MBP: variants seen among roughly 807,000 people sequenced by gnomAD.
The protein encoded by MBP is Golli-MBP.
A neutral mutation model predicts 35.8 loss-of-function variants in MBP; 16 were observed. The ratio of observed to expected loss-of-function variants is 0.45; its 90% CI spans 0.30 to 0.68. The LOEUF is 0.68. MBP is among the 30% of genes least tolerant of loss of function. The pLI is 0.08. For synonymous variants in MBP, 143 were observed against 159.6 expected (o/e 0.90, Z 0.78); for missense variants, 380 against 404.7 (o/e 0.94, Z 0.52).
intron 7 of MBP, chr18:76,986,306 G>T (rs1251377602): frequency 7.1e-6 from 7 of 985,496 alleles, no homozygotes; most frequent in Non-Finnish European, 8.4e-6. Flanking sequence ...TCCTCTATCA[G>T]CCTGCAGCCT....
chr18:77,092,538 C>A (rs988818872), intron 2 of MBP, among the ~76,000 whole-genome samples: 2 of 152,128 alleles, frequency 1.3e-5, no homozygotes, highest in African/African-American at 4.8e-5. Flanking sequence ...AAACATCATT[C>A]CACCTTAAAA....
At chr18:77,006,588 C>T (rs77151981) in intron 4 of MBP, 6,258 of 152,746 alleles carry the variant, frequency 0.041, 143 homozygotes, top group African/African-American at 0.05. Context: ...CCCCATCGTG[C>T]GTGTTGCTCC....
chr18:77,002,859 T>C (rs1365128248), intron 4 of MBP: 1 of 152,242 alleles, frequency 6.6e-6, no homozygotes, highest in Non-Finnish European at 1.5e-5. Context: ...GATTTTTAAA[T>C]TGTATTTTAT....
intron 2 of MBP, among the ~76,000 whole-genome samples, chr18:77,087,038 A>C (rs1011012919): frequency 2.0e-5 from 3 of 152,250 alleles, no homozygotes; most frequent in Non-Finnish European, 4.4e-5. Flanking sequence ...TATAAAAATA[A>C]ATGGTTCATC....
Position 77,016,824 on chromosome 18 carries a change from G to A in MBP, c.576+8C>T, listed in dbSNP as rs368960027. On this transcript the variant is annotated splice_region_variant and intron_variant, in intron 4 of 8. Coordinates refer to ENST00000355994, the MANE Select transcript of MBP (RefSeq NM_001025101.2). ...TAAACTAAAACTCCTCTACTCCTCA[G>A]AGCTCACCTTGCCAGAGCCCCGCTT... 6 of 1,613,766 alleles carry A rather than the reference G, an allele frequency of 3.7e-6. No individual in the cohort carries two copies. Among genetic ancestry groups the A allele is most frequent in the African/African-American group, 1.3e-5 (1 of 75,044 alleles).
At chr18:77,078,538 C>T (rs1182724261) in intron 2 of MBP, among the ~76,000 whole-genome samples, 1 of 152,244 alleles carries the variant, frequency 6.6e-6, no homozygotes, top group East Asian at 1.9e-4. Flanking sequence ...AAGTTGTTTA[C>T]TGCTCTCACT....
intron 3 of MBP, among the ~76,000 whole-genome samples, chr18:77,063,900 G>A (rs1599169370): frequency 1.7e-5 from 1 of 57,964 alleles, no homozygotes; most frequent in Non-Finnish European, 4.0e-5. Context: ...ATACATATGT[G>A]TGTGTGTGTG....
intron 3 of MBP, among the ~76,000 whole-genome samples, chr18:77,042,751 A>C (rs540802518): frequency 5.8e-4 from 88 of 152,338 alleles, no homozygotes; most frequent in African/African-American, 2.0e-3. Flanking sequence ...GTTTTTCAGA[A>C]ACGGCATCCA....
At chr18:77,016,448 C>T in intron 4 of MBP, 1 of 1,058,912 alleles carries the variant, frequency 9.4e-7, no homozygotes, top group Non-Finnish European at 1.1e-6. Context: ...AGTGTTGAAC[C>T]CCAGCGTGTG....
chr18:77,061,654 A>G (rs896007611), intron 3 of MBP, among the ~76,000 whole-genome samples: 1 of 152,156 alleles, frequency 6.6e-6, no homozygotes, highest in Non-Finnish European at 1.5e-5. Flanking sequence ...CCCTGCAGCC[A>G]TTGTCACATG....
chr18:77,056,578 G>A (rs900713626), intron 3 of MBP, among the ~76,000 whole-genome samples: 10 of 152,164 alleles, frequency 6.6e-5, no homozygotes, highest in African/African-American at 2.4e-4. Context: ...TGGCCTGACT[G>A]CACCAACCGG....
At position 76,984,829 on chromosome 18, in the gene MBP, G is replaced by A; in HGVS notation, c.816C>T (p.His272=). 1 of 1,614,084 alleles carries A rather than the reference G, an allele frequency of 6.2e-7. No individual in the cohort carries two copies. Residue 272 remains histidine, a synonymous_variant, in exon 8 of 9, where the codon CAC becomes CAT. Coordinates refer to ENST00000355994, the MANE Select transcript of MBP (RefSeq NM_001025101.2). The stretch of plus-strand genomic sequence containing the variant: ...GGGCATCGACTCCCTTGAATCCCTT[G>A]TGAGCCGATTTATAGTCGGACGCTC... The part of the protein sequence containing the change: ...GGRASDYKSA[H]KGFKGVDAQG...
intron 2 of MBP, 65 bp downstream of exon 2, chr18:77,105,146 A>G (rs764015797): frequency 5.7e-5 from 88 of 1,533,266 alleles, no homozygotes; most frequent in Non-Finnish European, 7.7e-5. Flanking sequence ...CCTCTGACAC[A>G]CCAAGGGGAT....
intron 1 of MBP, among the ~76,000 whole-genome samples, chr18:77,118,131 G>A (rs1478383229): frequency 1.3e-5 from 1 of 76,530 alleles, no homozygotes; most frequent in African/African-American, 5.7e-5. Context: ...GGGTTGGGGT[G>A]GGATGGGGGA....
intron 8 of MBP, 47 bp from the exon 9 acceptor site, chr18:76,980,518 T>A (rs1302359070): frequency 6.9e-7 from 1 of 1,459,136 alleles, no homozygotes; most frequent in African/African-American, 1.4e-5. Context: ...CGCAGGGTCC[T>A]CCCACACCAG....
At chr18:77,076,230 C>G (rs1043999070) in intron 2 of MBP, among the ~76,000 whole-genome samples, 2 of 152,188 alleles carry the variant, frequency 1.3e-5, no homozygotes, top group Admixed American at 1.3e-4. Flanking sequence ...CGCTGGTGGT[C>G]CTGCTAACAC....
intron 1 of MBP, among the ~76,000 whole-genome samples, chr18:77,119,047 CTG>C (rs60090446): frequency 0.98 from 148,729 of 152,262 alleles, 72,742 homozygotes; most frequent in Middle Eastern, 1. Context: ...CCCTTGCACC[CTG>C]TCTGTGAGGG....
At chr18:76,991,710 G>A (rs1438739548) in intron 4 of MBP, among the ~76,000 whole-genome samples, 8 of 152,188 alleles carry the variant, frequency 5.3e-5, no homozygotes, top group Admixed American at 2.6e-4. Flanking sequence ...ATTTCTGGAG[G>A]TCAGAGGAGC....
At chr18:77,030,509 T>C (rs1156870597) in intron 3 of MBP, among the ~76,000 whole-genome samples, 2 of 152,202 alleles carry the variant, frequency 1.3e-5, no homozygotes, top group African/African-American at 4.8e-5. Flanking sequence ...GGAACAATTT[T>C]CTCTGACAGT....
Sources: allele counts gnomAD v4.1 joint callset (sites outside exome capture counted in the v4.1 genomes callset), GRCh38; gene constraint gnomAD v4.1.1; transcripts MANE v1.5; gene names NCBI Gene and HGNC (gene_info 2026-07-23, HGNC 2026-07-21).